The following ATP6V0A4 variants were observed in gnomAD, a reference collection of about 807,000 sequenced individuals.
ATP6V0A4 encodes the protein V-type proton ATPase 116 kDa subunit a 4.
Under a neutral mutation model 107.3 loss-of-function variants are expected in ATP6V0A4, and 86 were observed. The ratio of observed to expected loss-of-function variants is 0.80; its 90% confidence interval spans 0.67 to 0.96. The LOEUF (loss-of-function observed/expected upper bound fraction) is 0.96. ATP6V0A4 is among the 40% of genes least tolerant of loss of function. The probability of loss-of-function intolerance (pLI) is 0.00; values close to 1 mark genes in which losing one functional copy is unlikely to be tolerated. For missense variants in ATP6V0A4, 908 were observed against 1,045.6 expected (o/e 0.87, Z 1.81); for synonymous variants, 353 against 381.4 (o/e 0.93, Z 0.87).
intron 17 of ATP6V0A4, among the ~76,000 whole-genome samples, chr7:138,731,941 T>A (rs990896419): frequency 3.3e-5 from 5 of 150,282 alleles, no homozygotes; most frequent in African/African-American, 4.9e-5. Context: ...AATAAATAAA[T>A]AAAATATTAA....
rs1176566807 is a variant in ATP6V0A4, at chr7:138,777,633, T to TACACACACACACACACAC, written c.-17-6387_-17-6370dup. Among the ~76,000 whole-genome samples the TACACACACACACACACAC allele has an allele frequency of 1.5e-4, 16 of 106,376 alleles. 1 individual carries two copies. The highest frequency in any genetic ancestry group is 6.0e-4 in the African/African-American group (16 of 26,614). The allele number at this position is 106,376 out of a possible 152,430, so 69.8% of individuals were successfully genotyped here. On this transcript the variant is annotated intron_variant, in intron 2 of 21. Transcript: ENST00000310018. ...TCCGTCTCAAAAAAAAAAAAAAAAA[T>TACACACACACACACACAC]ACACACACACACACACACACACACA...
chr7:138,761,147 G>C (rs1182084397), intron 7 of ATP6V0A4, among the ~76,000 whole-genome samples: 1 of 151,958 alleles, frequency 6.6e-6, no homozygotes, highest in Non-Finnish European at 1.5e-5. Flanking sequence ...TGTATCCCGG[G>C]CAACACAGTG....
chr7:138,728,381 C>T lies in ATP6V0A4; in HGVS notation c.2010+380G>A, dbSNP rs1305292657. Among the ~76,000 whole-genome samples the T allele has an allele frequency of 3.9e-5, 6 of 152,110 alleles. No homozygotes were observed. The East Asian group carries it at 9.7e-4, about 25-fold the overall frequency. ...AGTTGGGATTACAGGTACCCATCAC[C>T]ATGCCTGGCTAATTTTGGTGTTTTT... On this transcript the variant is annotated intron_variant, in intron 18 of 21. Coordinates refer to ENST00000310018, the MANE Select transcript of ATP6V0A4 (RefSeq NM_020632.3).
chr7:138,791,612 C>T (rs773726434), intron 1 of ATP6V0A4, among the ~76,000 whole-genome samples: 13 of 152,090 alleles, frequency 8.5e-5, no homozygotes, highest in Non-Finnish European at 1.9e-4. Flanking sequence ...CAATGAAGCC[C>T]CAGTGAGGTG....
intron 8 of ATP6V0A4, among the ~76,000 whole-genome samples, 164 bp downstream of exon 8, chr7:138,759,588 T>G (rs757330500): frequency 2.0e-5 from 3 of 151,958 alleles, no homozygotes; most frequent in Non-Finnish European, 4.4e-5. Context: ...AATATATATT[T>G]TTAAAAAGGA....
At chr7:138,733,149 CTTAA>C in intron 16 of ATP6V0A4, 56 bp from the exon 17 acceptor site, 1 of 1,606,662 alleles carries the variant, frequency 6.2e-7, no homozygotes, top group South Asian at 1.1e-5. Flanking sequence ...AACGTTAGGA[CTTAA>C]TTATTCTCTC....
At chr7:138,777,220 A>G (rs1352305280) in intron 2 of ATP6V0A4, among the ~76,000 whole-genome samples, 1 of 152,214 alleles carries the variant, frequency 6.6e-6, no homozygotes, top group Admixed American at 6.5e-5. Context: ...CCATGCCCCA[A>G]GTCTGCTGGG....
chr7:138,774,636 A>AT (rs1408590192), intron 2 of ATP6V0A4, among the ~76,000 whole-genome samples: 2 of 147,370 alleles, frequency 1.4e-5, no homozygotes, highest in African/African-American at 2.5e-5. Flanking sequence ...TATACATTAT[A>AT]TATATTATAT....
chr7:138,768,208 A>T (rs935316449), intron 5 of ATP6V0A4, among the ~76,000 whole-genome samples: 8 of 152,164 alleles, frequency 5.3e-5, no homozygotes, highest in African/African-American at 1.9e-4. Context: ...GTGGGATTAC[A>T]GGGGTGAGCC....
At chr7:138,776,270 CGA>C (rs1228645495) in intron 2 of ATP6V0A4, among the ~76,000 whole-genome samples, 2 of 152,198 alleles carry the variant, frequency 1.3e-5, no homozygotes, top group Non-Finnish European at 2.9e-5. Flanking sequence ...GCTGAGGCAG[CGA>C]TTGTGAACCT....
At chr7:138,779,355 A>T (rs1313204857) in intron 2 of ATP6V0A4, among the ~76,000 whole-genome samples, 1 of 150,680 alleles carries the variant, frequency 6.6e-6, no homozygotes, top group African/African-American at 2.5e-5. Context: ...CTTAAAAAAA[A>T]ATAAATAAAT....
At position 138,783,768 on chromosome 7, in the gene ATP6V0A4, C is replaced by T. The variant is rs538937826; in HGVS notation, c.-18+2390G>A. 1.7e-4 allele frequency among the ~76,000 whole-genome samples: 26 copies of T among 152,196 alleles called. 1 individual carries two copies. In the South Asian group the frequency reaches 4.1e-3, roughly 24 times the overall value. On this transcript the variant is annotated intron_variant, in intron 2 of 21. Coordinates refer to ENST00000310018, the MANE Select transcript of ATP6V0A4 (RefSeq NM_020632.3). ...AAATGGGAACTCCTACTTTTTCTTA[C>T]CCATGATGTATATCTGAGACAATCT...
chr7:138,729,133 C>T (rs1381262931), intron 17 of ATP6V0A4, among the ~76,000 whole-genome samples: 1 of 152,136 alleles, frequency 6.6e-6, no homozygotes, highest in African/African-American at 2.4e-5. Context: ...CATACGTAAC[C>T]AATCTTTTAA....
intron 1 of ATP6V0A4, among the ~76,000 whole-genome samples, chr7:138,794,260 A>G (rs939714558): frequency 1.3e-5 from 2 of 152,174 alleles, no homozygotes; most frequent in African/African-American, 4.8e-5. Flanking sequence ...AGGCTTGGTT[A>G]GGGCCACAAT....
chr7:138,759,352 G>T (rs1452922418), intron 8 of ATP6V0A4, among the ~76,000 whole-genome samples: 1 of 152,044 alleles, frequency 6.6e-6, no homozygotes, highest in Non-Finnish European at 1.5e-5. Context: ...ACCATGCCTG[G>T]CCTGGAATTT....
At chr7:138,723,969 T>C (rs960750790) in intron 18 of ATP6V0A4, among the ~76,000 whole-genome samples, 6 of 150,500 alleles carry the variant, frequency 4.0e-5, no homozygotes, top group African/African-American at 1.5e-4. Flanking sequence ...ATATGTTTCA[T>C]GTTTGAGCCT....
intron 13 of ATP6V0A4, 21 bp from the exon 14 acceptor site, chr7:138,745,301 A>C: frequency 6.2e-7 from 1 of 1,613,742 alleles, no homozygotes; most frequent in African/African-American, 1.3e-5. Context: ...AGAGACAGAG[A>C]GGATGATTGT....
chr7:138,772,949 G>T (rs183878872), intron 2 of ATP6V0A4, among the ~76,000 whole-genome samples: 28 of 152,230 alleles, frequency 1.8e-4, no homozygotes, highest in Non-Finnish European at 3.8e-4. Context: ...GAAGTTGAAG[G>T]CCACATGAGA....
At chr7:138,739,894 G>A (rs527643395) in intron 14 of ATP6V0A4, among the ~76,000 whole-genome samples, 1 of 152,292 alleles carries the variant, frequency 6.6e-6, no homozygotes, top group South Asian at 2.1e-4. Context: ...CATAATCCCA[G>A]CACTTTGGGA....
Sources: allele counts gnomAD v4.1 joint callset (sites outside exome capture counted in the v4.1 genomes callset), GRCh38; gene constraint gnomAD v4.1.1; transcripts MANE v1.5; gene names NCBI Gene and HGNC (gene_info 2026-07-23, HGNC 2026-07-21).